Variants in S100A13 observed in about 807,000 individuals in gnomAD.
The protein encoded by S100A13 is protein S100-A13.
S100A13 carries 6 observed loss-of-function variants against 8.2 expected under a neutral mutation model. That is an observed-to-expected ratio of 0.73 (90% confidence interval 0.40 to 1.44). The LOEUF is 1.44. Among genes scored for constraint, S100A13 ranks in the 40% most tolerant of loss-of-function variants. The pLI is 0.02. For missense variants in S100A13, 114 were observed against 113.6 expected (o/e 1.00, Z -0.02); for synonymous variants, 39 against 45.9 (o/e 0.85, Z 0.61).
intron 2 of S100A13, among the ~76,000 whole-genome samples, 198 bp downstream of exon 2, chr1:153,626,122 C>G (rs184140762): frequency 1.3e-5 from 2 of 152,302 alleles, no homozygotes; most frequent in East Asian, 3.9e-4. Context: ...GAGCCAAGAT[C>G]ACACCACTGC....
upstream of S100A13, among the ~76,000 whole-genome samples, chr1:153,632,838 CAT>C (rs1353523645): frequency 6.6e-6 from 1 of 152,170 alleles, no homozygotes; most frequent in African/African-American, 2.4e-5. Flanking sequence ...ATTCCTCAAA[CAT>C]ATGTACACTG....
At chr1:153,620,015 G>A (rs988645785) in intron 2 of S100A13, among the ~76,000 whole-genome samples, 6 of 152,098 alleles carry the variant, frequency 3.9e-5, no homozygotes, top group Admixed American at 6.5e-5. Flanking sequence ...GGAAGGGTGC[G>A]GTGGCTCACG....
At chr1:153,627,921 A>T (rs1051162338), upstream of S100A13, 3 of 1,060,004 alleles carry the variant, frequency 2.8e-6, no homozygotes. Flanking sequence ...CTACAGACCA[A>T]GATCCCTCAG....
At chr1:153,631,855 T>C (rs769881040), upstream of S100A13, 16 of 1,612,296 alleles carry the variant, frequency 9.9e-6, no homozygotes, top group East Asian at 2.2e-5. Flanking sequence ...GACAGCCACA[T>C]TGGGCAGCGC....
At chr1:153,633,767 G>A (rs74831200), upstream of S100A13, among the ~76,000 whole-genome samples, 2,910 of 152,122 alleles carry the variant, frequency 0.019, 94 homozygotes, top group African/African-American at 0.067. Flanking sequence ...GGGAACGGAG[G>A]GGCGAGGGAA....
chr1:153,630,147 G>T, upstream of S100A13: 1 of 374,138 alleles, frequency 2.7e-6, no homozygotes, highest in Non-Finnish European at 4.8e-6. Flanking sequence ...AGGAAGCATG[G>T]CCCAGTCCTG....
intron 2 of S100A13, 43 bp downstream of exon 2, chr1:153,626,277 T>C (rs763913564): frequency 6.3e-7 from 1 of 1,591,262 alleles, no homozygotes; most frequent in South Asian, 1.1e-5. Flanking sequence ...CAGTGTCCCA[T>C]AATCATCATC....
Position 153,618,938 on chromosome 1 carries a change from T to G in S100A13, c.254A>C (p.Lys85Thr), listed in dbSNP as rs1479461239. The G allele has an allele frequency of 1.9e-6, 3 of 1,614,098 alleles. No homozygotes were observed. The South Asian group carries it at 3.3e-5, about 18-fold the overall frequency. ...EYWRLIGELAKEIRKKKDLKI... is the reference protein window; with the variant it reads ...EYWRLIGELATEIRKKKDLKI... Reference sequence around the variant, plus strand: ...CAGGTCTTTCTTCTTCCTGATTTCCTTGGCCAGCTCCCCAATCAATCTCCA... The same window carrying G: ...CAGGTCTTTCTTCTTCCTGATTTCCGTGGCCAGCTCCCCAATCAATCTCCA... Residue 85 changes from lysine (K) to threonine (T), a missense_variant, in exon 3 of 3, where the codon AAG becomes ACG. Physicochemically the swap from Lys to Thr is moderately conservative, Grantham distance 78. Transcript: ENST00000476133.
intron 2 of S100A13, among the ~76,000 whole-genome samples, chr1:153,625,481 A>G (rs984445245): frequency 2.0e-5 from 3 of 152,224 alleles, no homozygotes; most frequent in African/African-American, 4.8e-5. Context: ...ACACCCTAGT[A>G]AGGGGATGCC....
At chr1:153,631,238 A>T, upstream of S100A13, 1 of 539,320 alleles carries the variant, frequency 1.9e-6, no homozygotes, top group East Asian at 3.1e-5. Context: ...AAGAAGCCTC[A>T]GGATACGGTA....
chr1:153,629,124 T>C (rs1571299031), upstream of S100A13: 1 of 152,112 alleles, frequency 6.6e-6, no homozygotes, highest in Non-Finnish European at 1.5e-5. Flanking sequence ...CCCCCCATTC[T>C]TACCTCTTTG....
chr1:153,623,732 A>G (rs570362348), intron 2 of S100A13, among the ~76,000 whole-genome samples: 1 of 152,310 alleles, frequency 6.6e-6, no homozygotes, highest in South Asian at 2.1e-4. Context: ...TGGTAAATGA[A>G]TCAACCAGGG....
At chr1:153,631,526 G>A (rs1668007712), upstream of S100A13, 2 of 1,613,582 alleles carry the variant, frequency 1.2e-6, no homozygotes, top group African/African-American at 1.3e-5. Flanking sequence ...AAGAGCTTAT[G>A]CTGTAGGCAA....
At chr1:153,631,561 A>G (rs776900216), upstream of S100A13, 2 of 1,613,752 alleles carry the variant, frequency 1.2e-6, no homozygotes, top group East Asian at 2.2e-5. Flanking sequence ...ACCTTTGAGG[A>G]GGCCTAGAAG....
intron 2 of S100A13, among the ~76,000 whole-genome samples, chr1:153,621,620 G>A (rs1490495110): frequency 1.3e-5 from 2 of 150,762 alleles, no homozygotes; most frequent in East Asian, 2.0e-4. Context: ...CAACCCGCTC[G>A]GGTCTCTCAC....
At chr1:153,628,227 T>C, upstream of S100A13, 1 of 1,545,424 alleles carries the variant, frequency 6.5e-7, no homozygotes, top group Non-Finnish European at 8.7e-7. Context: ...CCCTGCACCA[T>C]CCACTGCTGC....
chr1:153,631,748 G>A (rs769079440), upstream of S100A13: 1 of 1,614,210 alleles, frequency 6.2e-7, no homozygotes. Context: ...AGCTAGACGA[G>A]AATGGAGACG....
chr1:153,622,199 G>A lies in S100A13; in HGVS notation c.154-3161C>T, dbSNP rs371651568. Among the ~76,000 whole-genome samples the A allele has an allele frequency of 5.9e-4, 90 of 151,970 alleles. 1 individual carries two copies. Among genetic ancestry groups the A allele is most frequent in the African/African-American group, 2.1e-3 (89 of 41,466 alleles). The stretch of plus-strand genomic sequence containing the variant: ...AGCCTGGCCAACATGGCGAAACCTC[G>A]TCTCTACTAAAAATACAAAAATTAG... On this transcript the variant is annotated intron_variant, in intron 2 of 2. Transcript: ENST00000476133.
At chr1:153,630,959 A>G (rs1254117080), upstream of S100A13, 2 of 444,280 alleles carry the variant, frequency 4.5e-6, no homozygotes, top group African/African-American at 3.9e-5. Context: ...ACTCCAGGAA[A>G]TACACAGAGC....
Sources: allele counts gnomAD v4.1 joint callset (sites outside exome capture counted in the v4.1 genomes callset), GRCh38; gene constraint gnomAD v4.1.1; transcripts MANE v1.5; gene names NCBI Gene and HGNC (gene_info 2026-07-23, HGNC 2026-07-21).